The following EPC2 variants were observed in gnomAD, a reference collection of about 807,000 sequenced individuals.
EPC2 encodes the protein enhancer of polycomb homolog 2.
In EPC2, 14 loss-of-function variants were observed where a neutral mutation model predicts 92.1. The observed-to-expected ratio is 0.15, with a 90% CI of 0.10 to 0.24. EPC2 has a LOEUF of 0.24. Among genes scored for constraint, EPC2 ranks in the 10% least tolerant of loss-of-function variants. EPC2 has a pLI of 1.00. For synonymous variants in EPC2, 340 were observed against 334.7 expected, an observed-to-expected ratio of 1.02 and a Z score of -0.17; for missense variants, 755 against 971.5, an observed-to-expected ratio of 0.78 and a Z score of 2.96.
chr2:148,691,532 A>G, intron 2 of EPC2: 2 of 1,550,394 alleles, frequency 1.3e-6, no homozygotes. Flanking sequence ...CACTGTTTTC[A>G]TCTTTGCAGT....
At chr2:148,727,232 G>A (rs1303885487) in intron 2 of EPC2, among the ~76,000 whole-genome samples, 1 of 151,836 alleles carries the variant, frequency 6.6e-6, no homozygotes, top group Non-Finnish European at 1.5e-5. Context: ...TCAATCATTT[G>A]ACCATATATG....
intron 1 of EPC2, among the ~76,000 whole-genome samples, chr2:148,687,041 C>T (rs1681541413): frequency 6.6e-6 from 1 of 152,212 alleles, no homozygotes; most frequent in Non-Finnish European, 1.5e-5. Flanking sequence ...GCTATTTCAT[C>T]TACATTGAAA....
At chr2:148,671,025 A>G (rs1681143383) in intron 1 of EPC2, among the ~76,000 whole-genome samples, 1 of 152,128 alleles carries the variant, frequency 6.6e-6, no homozygotes, top group African/African-American at 2.4e-5. Flanking sequence ...AACAATTTTT[A>G]TGATGGTTTC....
intron 2 of EPC2, among the ~76,000 whole-genome samples, chr2:148,732,582 T>C (rs1205728775): frequency 3.3e-5 from 5 of 151,950 alleles, no homozygotes; most frequent in South Asian, 2.1e-4. Context: ...GATTTCACCA[T>C]GTTTGCCAGG....
chr2:148,692,564 A>G (rs1022082627), intron 2 of EPC2: 3 of 152,140 alleles, frequency 2.0e-5, no homozygotes, highest in African/African-American at 7.2e-5. Context: ...TTATTTATGT[A>G]TATTTTTTTC....
At position 148,787,076 on chromosome 2, in the gene EPC2, ACAG is replaced by A. The variant is rs1243281556; in HGVS notation, c.*700_*702del. On this transcript the variant is annotated 3_prime_UTR_variant, in exon 14 of 14. Coordinates refer to ENST00000258484, the MANE Select transcript of EPC2 (RefSeq NM_015630.4). ...ATACCAATTTATAAAAAATAATTACACAGAAAAAATGGAATAGGAAAAATTATG... is the reference window on the plus strand; with the variant it reads ...ATACCAATTTATAAAAAATAATTACAAAAAAATGGAATAGGAAAAATTATG... The A allele has an allele frequency of 3.4e-5, 5 of 147,150 alleles. No individual in the cohort carries two copies. The East Asian group carries it at 1.0e-3, about 29-fold the overall frequency. The allele number at this position is 147,150 out of a possible 1,614,324, so 9.1% of individuals were successfully genotyped here. A position where few individuals can be genotyped will look rare whatever the true frequency, so the allele number is the denominator to read the frequency against.
intron 3 of EPC2, among the ~76,000 whole-genome samples, chr2:148,747,563 G>A (rs946646138): frequency 1.3e-5 from 2 of 151,830 alleles, no homozygotes; most frequent in Admixed American, 1.3e-4. Flanking sequence ...GCTATACTTG[G>A]TGCTTCTTAT....
At chr2:148,780,944 A>G (rs780974205) in intron 10 of EPC2, among the ~76,000 whole-genome samples, 2 of 152,188 alleles carry the variant, frequency 1.3e-5, no homozygotes, top group African/African-American at 4.8e-5. Context: ...TTTTTCAACA[A>G]AAGTTGTAGA....
At chr2:148,783,141 GAAT>G (rs1016315231) in intron 11 of EPC2, among the ~76,000 whole-genome samples, 60 of 152,312 alleles carry the variant, frequency 3.9e-4, no homozygotes, top group African/African-American at 1.4e-3. Flanking sequence ...AATCAAGGAG[GAAT>G]GGCCATTTAA....
chr2:148,706,745 C>G (rs544448377), intron 2 of EPC2, among the ~76,000 whole-genome samples: 41 of 152,264 alleles, frequency 2.7e-4, no homozygotes, highest in African/African-American at 9.6e-4. Flanking sequence ...TCCAGCCAAA[C>G]TAAGCTTCAT....
chr2:148,657,282 C>G (rs894517719), intron 1 of EPC2, among the ~76,000 whole-genome samples: 57 of 152,102 alleles, frequency 3.7e-4, no homozygotes, highest in African/African-American at 1.3e-3. Flanking sequence ...AAGCCAAGTA[C>G]TTGGAAGAAG....
chr2:148,733,032 C>G (rs1174407718), intron 2 of EPC2, among the ~76,000 whole-genome samples: 1 of 140,472 alleles, frequency 7.1e-6, no homozygotes, highest in African/African-American at 2.7e-5. Flanking sequence ...CAAATTCAGA[C>G]TTGAACTTTT....
intron 3 of EPC2, among the ~76,000 whole-genome samples, chr2:148,748,466 A>G (rs1683028233): frequency 6.6e-6 from 1 of 152,080 alleles, no homozygotes; most frequent in Non-Finnish European, 1.5e-5. Context: ...CTTTAAAATC[A>G]TCCCAAACAT....
Position 148,787,072 on chromosome 2 carries a change from T to C in EPC2, c.*695T>C, listed in dbSNP as rs1683882466. 6.8e-6 allele frequency: 1 copy of C among 147,798 alleles called. No homozygotes were observed. Among genetic ancestry groups the C allele is most frequent in the Non-Finnish European group, 1.5e-5 (1 of 67,012 alleles). The allele number at this position is 147,798 out of a possible 1,614,324, so 9.2% of individuals were successfully genotyped here. On this transcript the variant is annotated 3_prime_UTR_variant, in exon 14 of 14. Transcript: ENST00000258484. The stretch of plus-strand genomic sequence containing the variant: ...TATGATACCAATTTATAAAAAATAA[T>C]TACACAGAAAAAATGGAATAGGAAA...
chr2:148,765,803 C>T (rs531514786), intron 7 of EPC2, among the ~76,000 whole-genome samples: 3 of 152,132 alleles, frequency 2.0e-5, no homozygotes, highest in South Asian at 2.1e-4. Flanking sequence ...TTTGGGAGGC[C>T]GAGGCAGGCG....
At chr2:148,724,210 T>A (rs1343349390) in intron 2 of EPC2, among the ~76,000 whole-genome samples, 1 of 152,122 alleles carries the variant, frequency 6.6e-6, no homozygotes, top group East Asian at 1.9e-4. Context: ...ATTCATTTAT[T>A]TTTTTAAAAA....
At chr2:148,726,765 G>GTTTTTTTTTTTTTTTTTTTT (rs201293391) in intron 2 of EPC2, among the ~76,000 whole-genome samples, 1 of 100,608 alleles carries the variant, frequency 9.9e-6, no homozygotes, top group East Asian at 3.1e-4. Flanking sequence ...TTTGTTTTTT[G>GTTTTTTTTTTTTTTTTTTTT]TTTTTTTTTT....
chr2:148,733,602 A>G (rs1682690819), intron 2 of EPC2, among the ~76,000 whole-genome samples: 1 of 138,222 alleles, frequency 7.2e-6, no homozygotes, highest in African/African-American at 2.7e-5. Context: ...GGCTCCAGCC[A>G]TCCTCCCAGC....
At chr2:148,741,882 T>C (rs1021081370) in intron 2 of EPC2, among the ~76,000 whole-genome samples, 3 of 152,214 alleles carry the variant, frequency 2.0e-5, no homozygotes, top group Non-Finnish European at 4.4e-5. Flanking sequence ...AAATAGAGAT[T>C]ACTAGTTTTA....
Sources: gnomAD v4.1 joint callset for allele counts (sites outside exome capture counted in the v4.1 genomes callset) on GRCh38, gnomAD v4.1.1 for gene constraint, MANE v1.5 for transcripts, NCBI Gene and HGNC (gene_info 2026-07-23, HGNC 2026-07-21) for gene names.